The following SLC12A7 variants were observed in gnomAD, a reference collection of about 807,000 sequenced individuals.
SLC12A7 encodes the protein solute carrier family 12 member 7, also known as K-Cl cotransporter 4.
A neutral mutation model predicts 120.6 loss-of-function variants in SLC12A7; 100 were observed. The ratio of observed to expected loss-of-function variants is 0.83; its 90% CI spans 0.71 to 0.98. SLC12A7 has a LOEUF of 0.98. SLC12A7 is among the 50% of genes least tolerant of loss of function. SLC12A7 has a pLI of 0.00. For synonymous variants in SLC12A7, 760 were observed against 678.0 expected (o/e 1.12, Z -1.88); for missense variants, 1,373 against 1,548.1 (o/e 0.89, Z 1.90).
At position 1,076,591 on chromosome 5, in the gene SLC12A7, C is replaced by T. The variant is rs74673540; in HGVS notation, c.1748+103G>A. 0.086 allele frequency: 71,329 copies of T among 828,586 alleles called. 3,417 individuals carry two copies. Among genetic ancestry groups the T allele is most frequent in the East Asian group, 0.12 (4,540 of 37,430 alleles). The allele number at this position is 828,586 out of a possible 1,614,324, so 51.3% of individuals were successfully genotyped here. On this transcript the variant is annotated intron_variant, in intron 13 of 23. Transcript: ENST00000264930. Reference sequence around the variant, plus strand: ...AGGATCCTGACTGCCCACAGCTGGCCATGCCTGTCTACTGCTTGTCCTGAG... The same window carrying T: ...AGGATCCTGACTGCCCACAGCTGGCTATGCCTGTCTACTGCTTGTCCTGAG...
intron 20 of SLC12A7, among the ~76,000 whole-genome samples, chr5:1,062,115 A>G (rs1314975450): frequency 6.6e-6 from 1 of 152,082 alleles, no homozygotes; most frequent in Non-Finnish European, 1.5e-5. Flanking sequence ...CCCGGACTTC[A>G]GAGCTAACAA....
intron 17 of SLC12A7, among the ~76,000 whole-genome samples, chr5:1,067,113 C>T (rs1737136557): frequency 6.6e-6 from 1 of 152,216 alleles, no homozygotes; most frequent in Admixed American, 6.5e-5. Flanking sequence ...TCAGGCACCC[C>T]TCGTCCTTAC....
rs563179277 is a variant in SLC12A7 at position 1,081,891 on chromosome 5, A to G, written c.1130-147T>C. 1.2e-4 allele frequency: 114 copies of G among 921,638 alleles called. No homozygotes were observed. The African/African-American group carries it at 1.8e-3, about 14-fold the overall frequency. The allele number at this position is 921,638 out of a possible 1,614,324, so 57.1% of individuals were successfully genotyped here. ...GCCGCAAGCAGGCTCCAATTCAAAC[A>G]CGCTTTCGAGATGGTACCTCTGGGA... On this transcript the variant is annotated intron_variant, in intron 8 of 23. Transcript: ENST00000264930.
intron 12 of SLC12A7, among the ~76,000 whole-genome samples, chr5:1,077,244 A>G (rs1423509949): frequency 6.6e-6 from 1 of 152,188 alleles, no homozygotes; most frequent in Non-Finnish European, 1.5e-5. Context: ...CTGGGACTGA[A>G]GATGCAACCA....
chr5:1,126,704 G>A, the SLC12A7 span, among the ~76,000 whole-genome samples: 10 of 152,192 alleles, frequency 6.6e-5, no homozygotes, highest in South Asian at 8.3e-4. Context: ...CGTTCTCATC[G>A]TTTAGCTCCC....
At chr5:1,069,416 C>T (rs559988628) in intron 17 of SLC12A7, among the ~76,000 whole-genome samples, 20 of 152,326 alleles carry the variant, frequency 1.3e-4, no homozygotes, top group African/African-American at 4.6e-4. Context: ...CGGTGGGGGG[C>T]GGCTGCAGAT....
chr5:1,109,348 C>T lies in SLC12A7; in HGVS notation c.124+2520G>A, dbSNP rs542866605. The stretch of plus-strand genomic sequence containing the variant: ...AAACCCACTCTACCCTGAAGTCGGA[C>T]GAGACGCAGCCGGCCCCCAGCAGTG... On this transcript the variant is annotated intron_variant, in intron 1 of 23. Coordinates refer to ENST00000264930, the MANE Select transcript of SLC12A7 (RefSeq NM_006598.3). Among the ~76,000 whole-genome samples, 5 of 152,316 alleles carry T rather than the reference C, an allele frequency of 3.3e-5. No individual in the cohort carries two copies. In the East Asian group the frequency reaches 5.8e-4, roughly 18 times the overall value.
intron 3 of SLC12A7, among the ~76,000 whole-genome samples, chr5:1,089,728 GCTTCAGACAC>G (rs1173761056): frequency 6.6e-6 from 1 of 152,230 alleles, no homozygotes; most frequent in Non-Finnish European, 1.5e-5. Flanking sequence ...CAGGCAGCCT[GCTTCAGACAC>G]CTGTGCCAGA....
chr5:1,098,032 A>G (rs1292312922), intron 1 of SLC12A7, among the ~76,000 whole-genome samples: 1 of 151,846 alleles, frequency 6.6e-6, no homozygotes, highest in Non-Finnish European at 1.5e-5. Context: ...CCCAGTCAAG[A>G]GACCCTTCGT....
intron 9 of SLC12A7, 72 bp downstream of exon 9, chr5:1,081,505 G>C: frequency 1.3e-6 from 2 of 1,508,926 alleles, no homozygotes; most frequent in Non-Finnish European, 1.8e-6. Flanking sequence ...CTGGGTGACA[G>C]AGCAAGACCT....
At chr5:1,142,188 C>T in the SLC12A7 span, among the ~76,000 whole-genome samples, 11 of 151,560 alleles carry the variant, frequency 7.3e-5, no homozygotes, top group African/African-American at 2.2e-4. Flanking sequence ...AGAGCCCAGA[C>T]GCTCCACAGG....
the SLC12A7 span, among the ~76,000 whole-genome samples, chr5:1,134,257 G>A: frequency 2.0e-5 from 3 of 152,036 alleles, no homozygotes; most frequent in East Asian, 1.9e-4. Flanking sequence ...ATCACCTGAG[G>A]TCAGGAGTTC....
intron 20 of SLC12A7, among the ~76,000 whole-genome samples, chr5:1,061,019 C>A (rs1373904398): frequency 1.1e-4 from 17 of 149,364 alleles, no homozygotes; most frequent in Non-Finnish European, 4.5e-5. Context: ...CTGAGTCTCA[C>A]CCGCCGCACC....
chr5:1,086,033 G>A (rs1056981415), intron 6 of SLC12A7, among the ~76,000 whole-genome samples: 3 of 152,210 alleles, frequency 2.0e-5, no homozygotes, highest in Non-Finnish European at 4.4e-5. Flanking sequence ...GGACTGGGGT[G>A]CAGCAGGCAT....
In SLC12A7 at chr5:1,066,742, C is replaced by T. The variant is rs538445157; in HGVS notation, c.2242-1264G>A. Among the ~76,000 whole-genome samples, 10 of 152,290 alleles carry T rather than the reference C, an allele frequency of 6.6e-5. No individual in the cohort carries two copies. The East Asian group carries it at 1.5e-3, about 24-fold the overall frequency. On this transcript the variant is annotated intron_variant, in intron 17 of 23. Coordinates refer to ENST00000264930, the MANE Select transcript of SLC12A7 (RefSeq NM_006598.3). ...CTCTCAGACTGGGAGGAAGAGACTG[C>T]GTGGAGGCACAGGCGCCCAGGGTCG...
At position 1,083,726 on chromosome 5, in the gene SLC12A7, G is replaced by A. The variant is rs1366346738; in HGVS notation, c.1129+19C>T. 1 of 1,609,988 alleles carries A rather than the reference G, an allele frequency of 6.2e-7. No individual in the cohort carries two copies. The highest frequency in any genetic ancestry group is 2.2e-5 in the East Asian group (1 of 44,874). ...CCCCCGCCACCCCCCAGCTCCAGCT[G>A]CAGCCCTGTGAGCCTCACCCAGGAA... is the stretch of plus-strand genomic sequence containing the variant. On this transcript the variant is annotated intron_variant, in intron 8 of 23. Coordinates refer to ENST00000264930, the MANE Select transcript of SLC12A7 (RefSeq NM_006598.3).
chr5:1,125,200 C>T, the SLC12A7 span, among the ~76,000 whole-genome samples: 2 of 152,054 alleles, frequency 1.3e-5, no homozygotes, highest in Non-Finnish European at 2.9e-5. Context: ...CTGGGAACTG[C>T]AGCACATGGA....
At chr5:1,089,917 C>A (rs905290076) in intron 3 of SLC12A7, among the ~76,000 whole-genome samples, 2 of 152,254 alleles carry the variant, frequency 1.3e-5, no homozygotes, top group Admixed American at 6.5e-5. Flanking sequence ...CCCACTCCCG[C>A]CATGAGCAGA....
At chr5:1,119,283 C>T in the SLC12A7 span, among the ~76,000 whole-genome samples, 15 of 152,336 alleles carry the variant, frequency 9.8e-5, no homozygotes, top group Middle Eastern at 3.4e-3. Flanking sequence ...CCTCAGTTAC[C>T]GCCACTTTTT....
Sources: gnomAD v4.1 joint callset for allele counts (sites outside exome capture counted in the v4.1 genomes callset) on GRCh38, gnomAD v4.1.1 for gene constraint, MANE v1.5 for transcripts, NCBI Gene and HGNC (gene_info 2026-07-23, HGNC 2026-07-21) for gene names.